ZNF804B: variants seen among roughly 807,000 people sequenced by gnomAD.
The protein encoded by ZNF804B is zinc finger protein 804B.
A neutral mutation model predicts 101.4 loss-of-function variants in ZNF804B; 80 were observed. The observed-to-expected ratio is 0.79, with a 90% confidence interval of 0.66 to 0.95. The LOEUF (loss-of-function observed/expected upper bound fraction) is 0.95, where lower values mean the gene tolerates loss of function less well. Ranked by LOEUF, ZNF804B falls within the 40% of genes least tolerant of loss-of-function variation. The probability of loss-of-function intolerance (pLI) is 0.00; values close to 1 mark genes in which losing one functional copy is unlikely to be tolerated. For missense variants in ZNF804B, 1,673 were observed against 1,561.9 expected, an observed-to-expected ratio of 1.07 and a Z score of -1.20; for synonymous variants, 622 against 558.8, an observed-to-expected ratio of 1.11 and a Z score of -1.59.
At chr7:88,858,185 G>A (rs1212639416) in intron 1 of ZNF804B, among the ~76,000 whole-genome samples, 1 of 151,970 alleles carries the variant, frequency 6.6e-6, no homozygotes, top group East Asian at 1.9e-4. Flanking sequence ...TTCATAAATA[G>A]CAAAAAAGTC....
chr7:88,799,781 A>G (rs1790551463), intron 1 of ZNF804B, among the ~76,000 whole-genome samples: 1 of 152,120 alleles, frequency 6.6e-6, no homozygotes, highest in Non-Finnish European at 1.5e-5. Context: ...GAGACAGAGC[A>G]GGGAAAAACA....
chr7:89,275,078 G>A lies in ZNF804B; in HGVS notation c.250-52266G>A, dbSNP rs536192828. ...TGCATCTGTATTTGGACGTCTAATA[G>A]GCATCTGAAAATTATCTAGACCTTA... On this transcript the variant is annotated intron_variant, in intron 2 of 3. Coordinates refer to ENST00000333190, the MANE Select transcript of ZNF804B (RefSeq NM_181646.5). Among the ~76,000 whole-genome samples, 4 of 152,010 alleles carry A rather than the reference G, an allele frequency of 2.6e-5. No homozygotes were observed. In the South Asian group the frequency reaches 8.3e-4, roughly 31 times the overall value.
intron 1 of ZNF804B, among the ~76,000 whole-genome samples, chr7:88,851,227 G>A (rs10228827): frequency 0.045 from 6,796 of 151,970 alleles, 438 homozygotes; most frequent in African/African-American, 0.14. Context: ...ATATCTCAAG[G>A]AATAATAGCT....
rs182741397 is a variant in ZNF804B, at chr7:89,291,749, A to G, written c.250-35595A>G. On this transcript the variant is annotated intron_variant, in intron 2 of 3. Coordinates refer to ENST00000333190, the MANE Select transcript of ZNF804B (RefSeq NM_181646.5). ...TAATAATAGAGAACTTCCTAATCCT[A>G]GAGAAAGATATTAATATCGAAGTAC... is the stretch of plus-strand genomic sequence containing the variant. Among the ~76,000 whole-genome samples, 675 of 152,300 alleles carry G rather than the reference A, an allele frequency of 4.4e-3. 2 individuals carry two copies. The highest frequency in any genetic ancestry group is 0.016 in the African/African-American group (654 of 41,578).
chr7:89,069,779 T>C (rs970705110), intron 1 of ZNF804B, among the ~76,000 whole-genome samples: 1 of 152,200 alleles, frequency 6.6e-6, no homozygotes, highest in African/African-American at 2.4e-5. Flanking sequence ...GATGCTAGAA[T>C]TGAATAAACT....
At chr7:89,205,404 A>G (rs1197781144) in intron 1 of ZNF804B, among the ~76,000 whole-genome samples, 3 of 152,212 alleles carry the variant, frequency 2.0e-5, no homozygotes, top group Non-Finnish European at 4.4e-5. Context: ...GAGAAAAGGC[A>G]AGTCCCTTTC....
chr7:88,814,497 G>T (rs1163221280), intron 1 of ZNF804B, among the ~76,000 whole-genome samples: 3 of 145,082 alleles, frequency 2.1e-5, no homozygotes. Flanking sequence ...CACACAGAAA[G>T]TTTAATGATA....
At chr7:89,011,105 T>C (rs1289259825) in intron 1 of ZNF804B, among the ~76,000 whole-genome samples, 2 of 152,104 alleles carry the variant, frequency 1.3e-5, no homozygotes, top group African/African-American at 4.8e-5. Context: ...AGAAGGCACC[T>C]CTTCACATGG....
chr7:88,880,988 A>G (rs17165014), intron 1 of ZNF804B, among the ~76,000 whole-genome samples: 2,068 of 152,220 alleles, frequency 0.014, 39 homozygotes, highest in African/African-American at 0.031. Context: ...TTATCTAACC[A>G]TTGCACAAAA....
At chr7:89,307,894 G>C (rs1790589149) in intron 2 of ZNF804B, among the ~76,000 whole-genome samples, 1 of 151,960 alleles carries the variant, frequency 6.6e-6, no homozygotes, top group African/African-American at 2.4e-5. Flanking sequence ...GCACAGCCTT[G>C]CCTAATAACC....
At chr7:89,291,042 C>G (rs1156936385) in intron 2 of ZNF804B, among the ~76,000 whole-genome samples, 1 of 152,138 alleles carries the variant, frequency 6.6e-6, no homozygotes, top group African/African-American at 2.4e-5. Flanking sequence ...GTGGCAGTAC[C>G]TCTATAGGTC....
At chr7:89,142,037 T>C (rs1224246845) in intron 1 of ZNF804B, among the ~76,000 whole-genome samples, 1 of 151,814 alleles carries the variant, frequency 6.6e-6, no homozygotes, top group Non-Finnish European at 1.5e-5. Context: ...ATGCTATCTT[T>C]TTTACATTAT....
chr7:89,098,246 A>G (rs1260171760), intron 1 of ZNF804B, among the ~76,000 whole-genome samples: 2 of 151,002 alleles, frequency 1.3e-5, no homozygotes, highest in Non-Finnish European at 2.9e-5. Context: ...TTACAAATTC[A>G]GTGCAAGGCA....
At chr7:89,260,387 C>T (rs557864321) in intron 2 of ZNF804B, among the ~76,000 whole-genome samples, 1 of 151,928 alleles carries the variant, frequency 6.6e-6, no homozygotes, top group East Asian at 1.9e-4. Flanking sequence ...TTGTTAAAAA[C>T]CTATTTAGGT....
At chr7:88,915,819 G>A (rs1199006329) in intron 1 of ZNF804B, among the ~76,000 whole-genome samples, 1 of 151,612 alleles carries the variant, frequency 6.6e-6, no homozygotes, top group African/African-American at 2.4e-5. Context: ...TGACATTATA[G>A]TTTTATCATA....
chr7:89,273,235 T>C (rs1298270279), intron 2 of ZNF804B, among the ~76,000 whole-genome samples: 1 of 152,040 alleles, frequency 6.6e-6, no homozygotes, highest in African/African-American at 2.4e-5. Flanking sequence ...AATGACCTCA[T>C]GCTACTCACT....
chr7:89,298,039 G>A (rs1397566649), intron 2 of ZNF804B, among the ~76,000 whole-genome samples: 1 of 139,350 alleles, frequency 7.2e-6, no homozygotes, highest in Non-Finnish European at 1.5e-5. Context: ...ATGCCCATAT[G>A]TCTGCAGTTT....
intron 1 of ZNF804B, among the ~76,000 whole-genome samples, chr7:88,799,798 A>G (rs1350544580): frequency 6.6e-6 from 1 of 152,110 alleles, no homozygotes; most frequent in Non-Finnish European, 1.5e-5. Flanking sequence ...AACAATAAAT[A>G]TCATGCAAAT....
At chr7:88,776,837 A>C (rs1411367029) in intron 1 of ZNF804B, among the ~76,000 whole-genome samples, 3 of 140,266 alleles carry the variant, frequency 2.1e-5, no homozygotes, top group Non-Finnish European at 4.5e-5. Flanking sequence ...TTAGTGCAAA[A>C]ACATTTGTAT....
Sources: allele counts gnomAD v4.1 joint callset (sites outside exome capture counted in the v4.1 genomes callset), GRCh38; gene constraint gnomAD v4.1.1; transcripts MANE v1.5; gene names NCBI Gene and HGNC (gene_info 2026-07-23, HGNC 2026-07-21).